Variants in TUBA1C observed in about 807,000 individuals in gnomAD.
TUBA1C encodes tubulin alpha-1C chain.
TUBA1C carries 16 observed loss-of-function variants against 34.9 expected under a neutral mutation model. The ratio of observed to expected loss-of-function variants is 0.46; its 90% CI spans 0.31 to 0.70. The LOEUF (loss-of-function observed/expected upper bound fraction) is 0.70. Among genes scored for constraint, TUBA1C ranks in the 30% least tolerant of loss-of-function variants. The pLI is 0.05. For missense variants in TUBA1C, 329 were observed against 587.3 expected (o/e 0.56, Z 4.55); for synonymous variants, 177 against 215.9 (o/e 0.82, Z 1.58).
chr12:49,267,658 C>G (rs963072650), intron 1 of TUBA1C, among the ~76,000 whole-genome samples: 5 of 152,136 alleles, frequency 3.3e-5, no homozygotes, highest in African/African-American at 1.2e-4. Flanking sequence ...AAACATGATG[C>G]AATGGTAAAT....
chr12:49,256,306 T>G (rs1273052281), intron 1 of TUBA1C: 1 of 364,362 alleles, frequency 2.7e-6, no homozygotes, highest in African/African-American at 2.1e-5. Flanking sequence ...TATCAGTCAT[T>G]TCGTGCAGAG....
At chr12:49,240,033 C>G (rs1942595916) in intron 1 of TUBA1C, among the ~76,000 whole-genome samples, 2 of 88,376 alleles carry the variant, frequency 2.3e-5, no homozygotes, top group Admixed American at 3.0e-4. Context: ...CCTCAGAGCA[C>G]AGACACACAC....
chr12:49,255,227 G>A (rs1942771336), intron 1 of TUBA1C, among the ~76,000 whole-genome samples: 1 of 151,822 alleles, frequency 6.6e-6, no homozygotes, highest in Non-Finnish European at 1.5e-5. Flanking sequence ...ATGGCTCTGA[G>A]AGTTTACAGT....
At chr12:49,231,717 C>CAGAT (rs367832439) in intron 1 of TUBA1C, among the ~76,000 whole-genome samples, 304 of 151,270 alleles carry the variant, frequency 2.0e-3, no homozygotes, top group Middle Eastern at 6.8e-3. Flanking sequence ...GACAGACAGA[C>CAGAT]AGATAGATAG....
At chr12:49,230,096 T>C (rs1040193269) in intron 1 of TUBA1C, among the ~76,000 whole-genome samples, 1 of 152,140 alleles carries the variant, frequency 6.6e-6, no homozygotes, top group African/African-American at 2.4e-5. Context: ...TTTTTTTTTT[T>C]TTCTTTTTTA....
At chr12:49,252,696 G>C (rs1942742957) in intron 1 of TUBA1C, among the ~76,000 whole-genome samples, 1 of 152,150 alleles carries the variant, frequency 6.6e-6, no homozygotes, top group Admixed American at 6.5e-5. Flanking sequence ...TGGATCACGA[G>C]GTCAGGAGAT....
chr12:49,267,919 A>C (rs1346164949), intron 1 of TUBA1C, among the ~76,000 whole-genome samples: 2 of 152,222 alleles, frequency 1.3e-5, no homozygotes, highest in Admixed American at 1.3e-4. Context: ...ACTTATGATG[A>C]AATGCCAAAC....
At chr12:49,272,196 A>G (rs577787708) in intron 3 of TUBA1C, 57 bp from the exon 4 acceptor site, 81 of 1,546,456 alleles carry the variant, frequency 5.2e-5, no homozygotes, top group Non-Finnish European at 6.9e-5. Flanking sequence ...GTTTCACCAA[A>G]TGTGAACACT....
At chr12:49,270,668 C>CT (rs1942978648) in intron 3 of TUBA1C, among the ~76,000 whole-genome samples, 1 of 152,204 alleles carries the variant, frequency 6.6e-6, no homozygotes, top group African/African-American at 2.4e-5. Context: ...CAAAACTGGA[C>CT]TGATGTTTCC....
chr12:49,261,733 G>A (rs1290923396), upstream of TUBA1C, among the ~76,000 whole-genome samples: 2 of 151,730 alleles, frequency 1.3e-5, no homozygotes, highest in African/African-American at 4.8e-5. Context: ...GAGTTAGGCT[G>A]AAAAAAAATA....
chr12:49,255,817 C>T (rs1380733499), intron 1 of TUBA1C, among the ~76,000 whole-genome samples: 1 of 152,224 alleles, frequency 6.6e-6, no homozygotes, highest in Non-Finnish European at 1.5e-5. Flanking sequence ...CCGCCGGCCT[C>T]AGTCTCCCAA....
intron 1 of TUBA1C, among the ~76,000 whole-genome samples, chr12:49,266,807 C>T (rs1942920476): frequency 6.6e-6 from 1 of 152,172 alleles, no homozygotes; most frequent in South Asian, 2.1e-4. Flanking sequence ...CCAGATCGCA[C>T]CACTGCACTC....
chr12:49,231,233 T>C (rs1445157761), intron 1 of TUBA1C, among the ~76,000 whole-genome samples: 2 of 152,318 alleles, frequency 1.3e-5, no homozygotes, highest in East Asian at 3.9e-4. Flanking sequence ...GGTGCAATTA[T>C]AGCTCACTAC....
intron 1 of TUBA1C, among the ~76,000 whole-genome samples, chr12:49,257,051 G>A (rs558380731): frequency 6.6e-6 from 1 of 151,520 alleles, no homozygotes; most frequent in African/African-American, 2.4e-5. Flanking sequence ...ATGGTGGTGG[G>A]CGCCTATAAT....
intron 1 of TUBA1C, among the ~76,000 whole-genome samples, chr12:49,232,465 C>T (rs1942507513): frequency 2.0e-5 from 3 of 152,280 alleles, no homozygotes; most frequent in South Asian, 4.1e-4. Context: ...AGCAGATGCT[C>T]CAAGTGCTTG....
chr12:49,265,068 C>T, upstream of TUBA1C: 2 of 1,375,498 alleles, frequency 1.5e-6, no homozygotes, highest in Non-Finnish European at 1.9e-6. Context: ...CCCTTCGGGG[C>T]CGGCCACCCT....
At chr12:49,270,237 A>T in intron 3 of TUBA1C, 1 of 626,992 alleles carries the variant, frequency 1.6e-6, no homozygotes, top group South Asian at 1.9e-5. Flanking sequence ...ATACTGAGTG[A>T]GTAGGTAGCT....
intron 1 of TUBA1C, among the ~76,000 whole-genome samples, chr12:49,266,909 GCTT>G (rs1397023540): frequency 6.6e-6 from 1 of 152,174 alleles, no homozygotes; most frequent in East Asian, 1.9e-4. Flanking sequence ...ACAACTTATT[GCTT>G]CTTTTCAAGC....
chr12:49,240,035 GAC>G (rs5798100), intron 1 of TUBA1C, among the ~76,000 whole-genome samples: 81,504 of 138,504 alleles, frequency 0.59, 24,375 homozygotes, highest in Non-Finnish European at 0.68. Flanking sequence ...TCAGAGCACA[GAC>G]ACACACACAC....
Sources: gnomAD v4.1 joint callset for allele counts (sites outside exome capture counted in the v4.1 genomes callset) on GRCh38, gnomAD v4.1.1 for gene constraint, MANE v1.5 for transcripts, NCBI Gene and HGNC (gene_info 2026-07-23, HGNC 2026-07-21) for gene names.